SPATS2L: variants seen among roughly 807,000 people sequenced by gnomAD.
SPATS2L encodes SPATS2-like protein.
In SPATS2L, 30 loss-of-function variants were observed where a neutral mutation model predicts 59.6. That is an observed-to-expected ratio of 0.50 (90% CI 0.38 to 0.68). SPATS2L has a LOEUF of 0.68. Among genes scored for constraint, SPATS2L ranks in the 30% least tolerant of loss-of-function variants. The pLI is 0.00. For missense variants in SPATS2L, 615 were observed against 700.0 expected (o/e 0.88, Z 1.37); for synonymous variants, 252 against 263.5 (o/e 0.96, Z 0.42).
At position 200,401,665 on chromosome 2, in the gene SPATS2L, C is replaced by T. The variant is rs144483379; in HGVS notation, c.40-10646C>T. Among the ~76,000 whole-genome samples the T allele has an allele frequency of 3.0e-3, 456 of 152,190 alleles. 3 individuals carry two copies. The highest frequency in any genetic ancestry group is 0.011 in the African/African-American group (436 of 41,502). On this transcript the variant is annotated intron_variant, in intron 3 of 12. Transcript: ENST00000409140. ...TATGACTTTCATGATTTCTCACTCA[C>T]GGTTCTCAATTCTGGATGGATATTA...
intron 9 of SPATS2L, among the ~76,000 whole-genome samples, chr2:200,462,015 A>C (rs1352569626): frequency 8.1e-6 from 1 of 123,034 alleles, no homozygotes; most frequent in African/African-American, 2.6e-5. Flanking sequence ...TTTGATTGTG[A>C]AATTATTTTA....
chr2:200,383,975 G>C, intron 2 of SPATS2L: 1 of 1,002,336 alleles, frequency 1.0e-6, no homozygotes, highest in Non-Finnish European at 1.2e-6. Context: ...CAATCAAACA[G>C]GAGGGAGAAA....
chr2:200,458,806 T>C (rs1478568270), intron 8 of SPATS2L, among the ~76,000 whole-genome samples: 1 of 152,192 alleles, frequency 6.6e-6, no homozygotes, highest in Non-Finnish European at 1.5e-5. Flanking sequence ...CATTAAATTA[T>C]TGTGAATGTT....
intron 2 of SPATS2L, among the ~76,000 whole-genome samples, chr2:200,360,508 G>A (rs2105867615): frequency 6.6e-6 from 1 of 152,342 alleles, no homozygotes; most frequent in Middle Eastern, 3.4e-3. Flanking sequence ...GCATGGCCAA[G>A]AGCAGGTGGA....
intron 2 of SPATS2L, among the ~76,000 whole-genome samples, chr2:200,337,172 C>A (rs1234187184): frequency 6.6e-6 from 1 of 152,140 alleles, no homozygotes; most frequent in African/African-American, 2.4e-5. Flanking sequence ...AAATGTTAAA[C>A]TTCTATTGGC....
chr2:200,479,743 G>C lies in SPATS2L; in HGVS notation c.*1712G>C, dbSNP rs1341994262. ...ATTAACATTTTTTCTGGCAACCCAG[G>C]TTCACTGGTTCTCTTCCACAGAGCG... is the stretch of plus-strand genomic sequence containing the variant. On this transcript the variant is annotated 3_prime_UTR_variant, in exon 13 of 13. Coordinates refer to ENST00000409140, the MANE Select transcript of SPATS2L (RefSeq NM_001100423.2). 6 of 398,524 alleles carry C rather than the reference G, an allele frequency of 1.5e-5. No homozygotes were observed. Among genetic ancestry groups the C allele is most frequent in the Non-Finnish European group, 2.2e-5 (5 of 226,102 alleles). The allele number at this position is 398,524 out of a possible 1,614,324, so 24.7% of individuals were successfully genotyped here. A position where few individuals can be genotyped will look rare whatever the true frequency, so the allele number is the denominator to read the frequency against.
intron 3 of SPATS2L, among the ~76,000 whole-genome samples, chr2:200,406,985 C>G (rs1207956525): frequency 6.6e-6 from 1 of 152,092 alleles, no homozygotes; most frequent in African/African-American, 2.4e-5. Context: ...AGGAGGTTCT[C>G]TAAGAAGAAG....
Position 200,306,766 on chromosome 2 carries a change from G to T in SPATS2L, c.-229G>T, listed in dbSNP as rs2079026697. On this transcript the variant is annotated 5_prime_UTR_variant, in exon 1 of 13. Coordinates refer to ENST00000409140, the MANE Select transcript of SPATS2L (RefSeq NM_001100423.2). Reference sequence around the variant, plus strand: ...CTCCGCTGCAAGCGCCGGCAGCGCGGGGCGAGCTCCGGACGGCGCGCGGCC... The same window carrying T: ...CTCCGCTGCAAGCGCCGGCAGCGCGTGGCGAGCTCCGGACGGCGCGCGGCC... 4 of 982,362 alleles carry T rather than the reference G, an allele frequency of 4.1e-6. No individual in the cohort carries two copies. Among genetic ancestry groups the T allele is most frequent in the Non-Finnish European group, 4.8e-6 (4 of 828,596 alleles). 60.9% of individuals were successfully genotyped at this position (982,362 alleles called of 1,614,324 possible). A position where few individuals can be genotyped will look rare whatever the true frequency, so the allele number is the denominator to read the frequency against.
intron 11 of SPATS2L, among the ~76,000 whole-genome samples, chr2:200,471,535 A>G (rs142405683): frequency 1.1e-3 from 173 of 152,290 alleles, no homozygotes; most frequent in African/African-American, 4.1e-3. Context: ...TCCATTCTGA[A>G]AGACAGACAC....
chr2:200,340,444 G>A lies in SPATS2L; in HGVS notation c.-23+10964G>A, dbSNP rs145034369. On this transcript the variant is annotated intron_variant, in intron 2 of 12. Coordinates refer to ENST00000409140, the MANE Select transcript of SPATS2L (RefSeq NM_001100423.2). ...TACAAGAAACCAGAAACAAGACAGC[G>A]TGTCTTGATAATATTCCTCTGCCGA... 7.4e-4 allele frequency among the ~76,000 whole-genome samples: 113 copies of A among 152,204 alleles called. 1 individual carries two copies. The highest frequency in any genetic ancestry group is 2.6e-3 in the African/African-American group (109 of 41,532).
chr2:200,328,231 T>C (rs1050037894), intron 1 of SPATS2L, among the ~76,000 whole-genome samples: 1 of 152,156 alleles, frequency 6.6e-6, no homozygotes, highest in African/African-American at 2.4e-5. Flanking sequence ...TGTCTTCTGG[T>C]TGCCAAGATT....
intron 11 of SPATS2L, 113 bp from the exon 12 acceptor site, chr2:200,472,719 T>C (rs749922732): frequency 1.1e-6 from 1 of 890,976 alleles, no homozygotes; most frequent in Non-Finnish European, 1.7e-6. Flanking sequence ...AACTTTTTAA[T>C]GTTTTTGTGG....
intron 2 of SPATS2L, among the ~76,000 whole-genome samples, chr2:200,386,619 A>C (rs917448578): frequency 6.6e-6 from 1 of 152,218 alleles, no homozygotes; most frequent in Admixed American, 6.5e-5. Flanking sequence ...AATCCTAGAC[A>C]TCAAAGCCCA....
At chr2:200,378,673 T>C (rs980102838) in intron 2 of SPATS2L, among the ~76,000 whole-genome samples, 1 of 152,206 alleles carries the variant, frequency 6.6e-6, no homozygotes, top group Non-Finnish European at 1.5e-5. Flanking sequence ...TACTGTGAGT[T>C]TGTTGGAACA....
chr2:200,469,079 A>T (rs1180538105), intron 10 of SPATS2L, among the ~76,000 whole-genome samples: 2 of 152,246 alleles, frequency 1.3e-5, no homozygotes, highest in Non-Finnish European at 2.9e-5. Flanking sequence ...AACAGAGGTA[A>T]TAATACTGAC....
Position 200,467,253 on chromosome 2 carries a change from C to T in SPATS2L, c.848-37C>T, listed in dbSNP as rs1162851605. 3.0e-6 allele frequency: 4 copies of T among 1,347,396 alleles called. No homozygotes were observed. The East Asian group carries it at 6.9e-5, about 23-fold the overall frequency. 83.5% of individuals were successfully genotyped at this position (1,347,396 alleles called of 1,614,324 possible). On this transcript the variant is annotated intron_variant, in intron 9 of 12. Transcript: ENST00000409140. Reference sequence around the variant, plus strand: ...ATTAGGTTATTTAATATGTTTCAATCTCTGGCCCTAATGTATGACTCCTCC... The same window carrying T: ...ATTAGGTTATTTAATATGTTTCAATTTCTGGCCCTAATGTATGACTCCTCC...
Position 200,478,335 on chromosome 2 carries a change from T to TTA in SPATS2L, c.*304_*305insTA, listed in dbSNP as rs1036080191. 2.9e-5 allele frequency: 7 copies of TTA among 238,638 alleles called. No homozygotes were observed. The highest frequency in any genetic ancestry group is 1.6e-4 in the African/African-American group (7 of 44,430). The allele number at this position is 238,638 out of a possible 1,614,324, so 14.8% of individuals were successfully genotyped here. On this transcript the variant is annotated 3_prime_UTR_variant, in exon 13 of 13. Transcript: ENST00000409140. ...GATCAGAGGCTCAGTTAGCAACCTG[T>TTA]GTTGTAGCAGTGATGTCAGTCCATT...
intron 2 of SPATS2L, among the ~76,000 whole-genome samples, chr2:200,388,884 A>G (rs2105925542): frequency 6.6e-6 from 1 of 152,270 alleles, no homozygotes; most frequent in South Asian, 2.1e-4. Context: ...TGATGACAAT[A>G]CTTAGTTAAA....
chr2:200,307,834 G>T (rs1405237125), intron 1 of SPATS2L, among the ~76,000 whole-genome samples: 1 of 152,246 alleles, frequency 6.6e-6, no homozygotes, highest in East Asian at 1.9e-4. Flanking sequence ...TTTAGCAGAT[G>T]TCGGGGTTTT....
Sources: allele counts gnomAD v4.1 joint callset (sites outside exome capture counted in the v4.1 genomes callset), GRCh38; gene constraint gnomAD v4.1.1; transcripts MANE v1.5; gene names NCBI Gene and HGNC (gene_info 2026-07-23, HGNC 2026-07-21).